The following ALCAM variants were observed in gnomAD, a reference collection of about 807,000 sequenced individuals.
ALCAM encodes the protein activated leukocyte cell adhesion molecule.
Under a neutral mutation model 70.9 loss-of-function variants are expected in ALCAM, and 30 were observed. That is an observed-to-expected ratio of 0.42 (90% CI 0.32 to 0.57). ALCAM has a LOEUF of 0.57. Among genes scored for constraint, ALCAM ranks in the 20% least tolerant of loss-of-function variants. The pLI, the probability that ALCAM is intolerant of heterozygous loss-of-function variation, is 0.11. For missense variants in ALCAM, 591 were observed against 695.1 expected, an observed-to-expected ratio of 0.85 and a Z score of 1.68; for synonymous variants, 249 against 242.5, an observed-to-expected ratio of 1.03 and a Z score of -0.25.
intron 1 of ALCAM, among the ~76,000 whole-genome samples, chr3:105,456,832 G>GA (rs755581574): frequency 1.9e-4 from 29 of 150,206 alleles, no homozygotes; most frequent in East Asian, 1.4e-3. Flanking sequence ...AGGTAAAAAA[G>GA]AAAAAAAAAC....
intron 9 of ALCAM, 52 bp from the exon 10 acceptor site, chr3:105,547,097 A>T: frequency 7.0e-7 from 1 of 1,432,444 alleles, no homozygotes; most frequent in Non-Finnish European, 9.3e-7. Flanking sequence ...TAATAAATAC[A>T]CTGAGAATTT....
rs1940270284 is a variant in ALCAM, at chr3:105,547,187, T to C, written c.1143T>C (p.Ser381=). 1 of 1,605,156 alleles carries C rather than the reference T, an allele frequency of 6.2e-7. No individual in the cohort carries two copies. Among genetic ancestry groups the C allele is most frequent in the Admixed American group, 1.7e-5 (1 of 58,552 alleles). ...IRLRSSPSFS[S]LHYQDAGNYV... is the part of the protein sequence containing the mutation. Reference sequence around the variant, plus strand: ...TTCGATCTAGCCCGTCATTTTCTAGTCTTCATTATCAGGATGCTGGAAACT... The same window carrying C: ...TTCGATCTAGCCCGTCATTTTCTAGCCTTCATTATCAGGATGCTGGAAACT... Residue 381 remains serine (S), a synonymous_variant, in exon 10 of 16, where the codon AGT becomes AGC. Coordinates refer to ENST00000306107, the MANE Select transcript of ALCAM (RefSeq NM_001627.4).
In ALCAM at chr3:105,489,545, A is replaced by G. The variant is rs140973558; in HGVS notation, c.74-30522A>G. Among the ~76,000 whole-genome samples, 283 of 152,364 alleles carry G rather than the reference A, an allele frequency of 1.9e-3. 1 individual carries two copies. Among genetic ancestry groups the G allele is most frequent in the African/African-American group, 6.3e-3 (260 of 41,590 alleles). On this transcript the variant is annotated intron_variant, in intron 1 of 15. Coordinates refer to ENST00000306107, the MANE Select transcript of ALCAM (RefSeq NM_001627.4). ...AAAAATAGGATAGATTATATTCAACATATTATCAAGTTTGATGGATAAATC... is the reference window on the plus strand; with the variant it reads ...AAAAATAGGATAGATTATATTCAACGTATTATCAAGTTTGATGGATAAATC...
chr3:105,428,101 G>C (rs1435837101), intron 1 of ALCAM, among the ~76,000 whole-genome samples: 1 of 151,952 alleles, frequency 6.6e-6, no homozygotes, highest in Non-Finnish European at 1.5e-5. Flanking sequence ...CAAAGGCTGG[G>C]AGTTGCTATG....
At chr3:105,518,623 G>C (rs914588854) in intron 1 of ALCAM, among the ~76,000 whole-genome samples, 3 of 151,646 alleles carry the variant, frequency 2.0e-5, no homozygotes, top group African/African-American at 7.3e-5. Context: ...ATGTTAAAAG[G>C]GATTATAATT....
At chr3:105,418,107 T>A (rs982713937) in intron 1 of ALCAM, among the ~76,000 whole-genome samples, 9 of 151,874 alleles carry the variant, frequency 5.9e-5, no homozygotes, top group Non-Finnish European at 1.2e-4. Context: ...CATTTCCTCC[T>A]ACTAATATAT....
intron 1 of ALCAM, among the ~76,000 whole-genome samples, chr3:105,505,904 C>T (rs989761033): frequency 2.0e-5 from 3 of 152,088 alleles, no homozygotes; most frequent in African/African-American, 4.8e-5. Context: ...TAAATATTCT[C>T]ATAGCTACAA....
intron 1 of ALCAM, among the ~76,000 whole-genome samples, chr3:105,406,748 G>T (rs78040681): frequency 1.4e-5 from 2 of 147,524 alleles, no homozygotes; most frequent in Non-Finnish European, 3.0e-5. Context: ...ACAATAAAAA[G>T]ATAAATGAAA....
rs568927242 is a variant in ALCAM at position 105,501,453 on chromosome 3, A to G, written c.74-18614A>G. On this transcript the variant is annotated intron_variant, in intron 1 of 15. Transcript: ENST00000306107. Reference sequence around the variant, plus strand: ...TGGAAAGTGAAATCTTAAGCACTATATAATGGTATTTTGACATGTAATTTT... The same window carrying G: ...TGGAAAGTGAAATCTTAAGCACTATGTAATGGTATTTTGACATGTAATTTT... Among the ~76,000 whole-genome samples, 158 of 152,332 alleles carry G rather than the reference A, an allele frequency of 1.0e-3. 6 individuals are homozygous for G. The South Asian group carries it at 0.032, about 31-fold the overall frequency.
At position 105,555,252 on chromosome 3, in the gene ALCAM, A is replaced by G. The variant is rs562737318; in HGVS notation, c.1664+2667A>G. Among the ~76,000 whole-genome samples the G allele has an allele frequency of 2.0e-5, 3 of 152,124 alleles. No individual in the cohort carries two copies. The South Asian group carries it at 6.2e-4, about 31-fold the overall frequency. On this transcript the variant is annotated intron_variant, in intron 14 of 15. Coordinates refer to ENST00000306107, the MANE Select transcript of ALCAM (RefSeq NM_001627.4). ...ACATTCATCTAAATAACTGTTACCT[A>G]ATCGAAAAGTTCACCAACTCTGACA...
intron 1 of ALCAM, among the ~76,000 whole-genome samples, chr3:105,454,007 G>A (rs59322590): frequency 0.15 from 22,778 of 152,102 alleles, 1,820 homozygotes; most frequent in Middle Eastern, 0.19. Flanking sequence ...TCAATTTTGT[G>A]TTCAAATCAT....
intron 1 of ALCAM, among the ~76,000 whole-genome samples, chr3:105,435,540 C>A (rs1937030965): frequency 6.6e-6 from 1 of 152,164 alleles, no homozygotes; most frequent in Non-Finnish European, 1.5e-5. Flanking sequence ...TTGGAAGATT[C>A]ATTTGTTATA....
chr3:105,566,770 G>GT (rs1253255432), intron 14 of ALCAM, among the ~76,000 whole-genome samples: 1 of 151,958 alleles, frequency 6.6e-6, no homozygotes. Flanking sequence ...GATCAACTGT[G>GT]TTTTACATAT....
chr3:105,529,957 C>G (rs190053109), intron 3 of ALCAM, among the ~76,000 whole-genome samples: 1 of 152,200 alleles, frequency 6.6e-6, no homozygotes, highest in East Asian at 1.9e-4. Flanking sequence ...CCAAATCTGT[C>G]TATTTAGAAC....
intron 1 of ALCAM, among the ~76,000 whole-genome samples, chr3:105,441,566 T>C (rs917269757): frequency 4.6e-5 from 7 of 152,238 alleles, no homozygotes; most frequent in African/African-American, 1.2e-4. Context: ...TGTGAACTTA[T>C]ATTTACAGGT....
intron 1 of ALCAM, among the ~76,000 whole-genome samples, chr3:105,419,968 G>T (rs1475656533): frequency 6.6e-6 from 1 of 151,674 alleles, no homozygotes; most frequent in Non-Finnish European, 1.5e-5. Flanking sequence ...GTTCTATCTG[G>T]ATATATAGAT....
intron 1 of ALCAM, among the ~76,000 whole-genome samples, chr3:105,376,515 A>C (rs1327161224): frequency 2.0e-5 from 3 of 152,250 alleles, no homozygotes; most frequent in African/African-American, 7.2e-5. Context: ...TGGAGTGCTC[A>C]GTATGTACTA....
intron 6 of ALCAM, among the ~76,000 whole-genome samples, chr3:105,536,093 C>CTTTTT (rs71299365): frequency 3.5e-5 from 5 of 141,886 alleles, no homozygotes; most frequent in East Asian, 2.0e-4. Context: ...TTCTTTCTTT[C>CTTTTT]TTTTTTTTTT....
At chr3:105,500,583 A>T (rs1018356350) in intron 1 of ALCAM, among the ~76,000 whole-genome samples, 1 of 152,216 alleles carries the variant, frequency 6.6e-6, no homozygotes, top group Non-Finnish European at 1.5e-5. Flanking sequence ...ACCATGCCAA[A>T]CTTACAAAAA....
Sources: allele counts gnomAD v4.1 joint callset (sites outside exome capture counted in the v4.1 genomes callset), GRCh38; gene constraint gnomAD v4.1.1; transcripts MANE v1.5; gene names NCBI Gene and HGNC (gene_info 2026-07-23, HGNC 2026-07-21).